Variants in PDE4D observed in about 807,000 individuals in gnomAD.
PDE4D encodes the protein 3',5'-cyclic-AMP phosphodiesterase 4D.
In PDE4D, 24 loss-of-function variants were observed where a neutral mutation model predicts 87.4. That is an observed-to-expected ratio of 0.27 (90% CI 0.20 to 0.39). The LOEUF (loss-of-function observed/expected upper bound fraction) is 0.39. Among genes scored for constraint, PDE4D ranks in the 10% least tolerant of loss-of-function variants. The pLI, the probability that PDE4D is intolerant of heterozygous loss-of-function variation, is 1.00. For synonymous variants in PDE4D, 384 were observed against 383.2 expected (o/e 1.00, Z -0.02); for missense variants, 714 against 1,041.0 (o/e 0.69, Z 4.32).
chr5:59,847,191 A>G (rs1186898042), intron 1 of PDE4D, among the ~76,000 whole-genome samples: 1 of 151,996 alleles, frequency 6.6e-6, no homozygotes, highest in East Asian at 1.9e-4. Flanking sequence ...AGTGTCCAGA[A>G]TATGAAACCT....
At chr5:60,431,317 G>A (rs1253758966) in intron 1 of PDE4D, among the ~76,000 whole-genome samples, 6 of 151,614 alleles carry the variant, frequency 4.0e-5, no homozygotes, top group Admixed American at 1.3e-4. Context: ...CTTCTCAGAC[G>A]GGGCGGTTGC....
At chr5:59,882,459 A>G (rs1011212138) in intron 1 of PDE4D, among the ~76,000 whole-genome samples, 1 of 152,180 alleles carries the variant, frequency 6.6e-6, no homozygotes, top group Admixed American at 6.5e-5. Context: ...CCTGCATACT[A>G]GGTAATATTG....
chr5:60,448,199 T>A (rs1745805921), intron 1 of PDE4D, among the ~76,000 whole-genome samples: 2 of 152,120 alleles, frequency 1.3e-5, no homozygotes, highest in Non-Finnish European at 2.9e-5. Flanking sequence ...TTCTTAAAGT[T>A]TTCATTGATG....
intron 5 of PDE4D, among the ~76,000 whole-genome samples, chr5:59,051,823 C>T (rs1698241191): frequency 6.6e-6 from 1 of 152,196 alleles, no homozygotes; most frequent in African/African-American, 2.4e-5. Flanking sequence ...TTAACAAATA[C>T]ATGTGTTTAG....
chr5:59,525,778 C>A (rs1445133704), intron 1 of PDE4D, among the ~76,000 whole-genome samples: 2 of 152,174 alleles, frequency 1.3e-5, no homozygotes, highest in Non-Finnish European at 2.9e-5. Flanking sequence ...TAGTGAGTGA[C>A]TTCTCAGGAG....
chr5:60,083,640 G>T (rs746848161), intron 2 of PDE4D, among the ~76,000 whole-genome samples: 4 of 152,088 alleles, frequency 2.6e-5, no homozygotes, highest in Non-Finnish European at 5.9e-5. Flanking sequence ...TTGTTTGTTT[G>T]TTTTTCAAAA....
intron 2 of PDE4D, among the ~76,000 whole-genome samples, chr5:60,166,674 GT>G (rs1031954641): frequency 1.3e-5 from 2 of 152,096 alleles, no homozygotes; most frequent in Admixed American, 1.3e-4. Flanking sequence ...ATTAACACAT[GT>G]TTTTGTATTA....
At chr5:60,181,247 G>GA (rs571681071) in intron 2 of PDE4D, among the ~76,000 whole-genome samples, 2 of 152,068 alleles carry the variant, frequency 1.3e-5, no homozygotes, top group Admixed American at 6.5e-5. Context: ...GGTACAGATG[G>GA]AAAAAAATAT....
rs562833938 is a variant in PDE4D at position 59,169,658 on chromosome 5, T to C, written c.808+10937A>G. 9.8e-5 allele frequency among the ~76,000 whole-genome samples: 15 copies of C among 152,300 alleles called. No homozygotes were observed. In the South Asian group the frequency reaches 3.1e-3, roughly 32 times the overall value. On this transcript the variant is annotated intron_variant, in intron 5 of 14. Transcript: ENST00000340635. ...CTGCACTGTTTGTTAGATGAGGGTG[T>C]GGGTGTCACTATATATACTTTCCAG...
chr5:59,757,042 C>T (rs760070167), intron 1 of PDE4D, among the ~76,000 whole-genome samples: 39 of 152,208 alleles, frequency 2.6e-4, no homozygotes, highest in Admixed American at 2.6e-4. Flanking sequence ...AAGTGATCCA[C>T]GTGCCTCAGC....
chr5:60,132,969 T>A lies in PDE4D; in HGVS notation c.42+52588A>T, dbSNP rs193134375. ...TTGTCTAAATGAAATAGGAAATTAC[T>A]ATACACTCTGTTCCAAACCATAGTG... On this transcript the variant is annotated intron_variant, in intron 2 of 16. Transcript: ENST00000502484. Among the ~76,000 whole-genome samples, 402 of 152,356 alleles carry A rather than the reference T, an allele frequency of 2.6e-3. 3 individuals carry two copies. The highest frequency in any genetic ancestry group is 9.3e-3 in the African/African-American group (387 of 41,588).
chr5:59,270,598 T>G (rs571755252), intron 1 of PDE4D, among the ~76,000 whole-genome samples: 35 of 152,286 alleles, frequency 2.3e-4, no homozygotes, highest in Non-Finnish European at 4.3e-4. Context: ...TGCAAGAGCC[T>G]TTCACAAAGC....
intron 1 of PDE4D, among the ~76,000 whole-genome samples, chr5:59,753,039 G>A (rs1760709637): frequency 6.6e-6 from 1 of 152,146 alleles, no homozygotes; most frequent in Admixed American, 6.5e-5. Flanking sequence ...CACTACCGTG[G>A]TAGGGTTGAA....
intron 1 of PDE4D, among the ~76,000 whole-genome samples, chr5:60,201,601 T>A (rs1284585263): frequency 1.3e-5 from 2 of 152,112 alleles, no homozygotes; most frequent in African/African-American, 4.8e-5. Context: ...GGATCATGAG[T>A]CCCACATTCC....
intron 1 of PDE4D, among the ~76,000 whole-genome samples, chr5:59,869,638 G>A (rs796328950): frequency 3.3e-5 from 5 of 152,204 alleles, no homozygotes; most frequent in African/African-American, 9.6e-5. Flanking sequence ...ATAATGGTTC[G>A]TTTTCTCGTA....
At chr5:59,890,781 T>C (rs1359353931) in intron 1 of PDE4D, among the ~76,000 whole-genome samples, 1 of 152,232 alleles carries the variant, frequency 6.6e-6, no homozygotes, top group Non-Finnish European at 1.5e-5. Flanking sequence ...AGCATTCTTG[T>C]CTATCAAATA....
intron 1 of PDE4D, among the ~76,000 whole-genome samples, chr5:59,597,101 A>C (rs1217247996): frequency 6.6e-6 from 1 of 152,102 alleles, no homozygotes; most frequent in Admixed American, 6.6e-5. Flanking sequence ...CTTCATAGTA[A>C]CTATGTTCCC....
At chr5:59,216,321 T>C (rs2153506443) in intron 1 of PDE4D, among the ~76,000 whole-genome samples, 1 of 152,248 alleles carries the variant, frequency 6.6e-6, no homozygotes. Flanking sequence ...TTGAATTCGA[T>C]TCAACAAATA....
intron 2 of PDE4D, among the ~76,000 whole-genome samples, chr5:59,990,936 A>G (rs1176869487): frequency 6.6e-6 from 1 of 152,158 alleles, no homozygotes; most frequent in Non-Finnish European, 1.5e-5. Context: ...CAGGATCCAA[A>G]CCCAAATCTC....
Sources: gnomAD v4.1 joint callset for allele counts (sites outside exome capture counted in the v4.1 genomes callset) on GRCh38, gnomAD v4.1.1 for gene constraint, MANE v1.5 for transcripts, NCBI Gene and HGNC (gene_info 2026-07-23, HGNC 2026-07-21) for gene names.